The following TOX3 variants were observed in gnomAD, a reference collection of about 807,000 sequenced individuals.
TOX3 encodes CAG trinucleotide repeat-containing gene F9 protein.
A neutral mutation model predicts 64.3 loss-of-function variants in TOX3; 22 were observed. The ratio of observed to expected loss-of-function variants is 0.34; its 90% CI spans 0.24 to 0.49. TOX3 has a LOEUF of 0.49. Among genes scored for constraint, TOX3 ranks in the 20% least tolerant of loss-of-function variants. The pLI, the probability that TOX3 is intolerant of heterozygous loss-of-function variation, is 0.99. For synonymous variants in TOX3, 291 were observed against 273.6 expected (o/e 1.06, Z -0.63); for missense variants, 661 against 714.4 (o/e 0.93, Z 0.85).
intron 1 of TOX3, among the ~76,000 whole-genome samples, chr16:52,523,876 A>T (rs1034420411): frequency 1.3e-5 from 2 of 152,350 alleles, no homozygotes; most frequent in Middle Eastern, 3.4e-3. Context: ...TTTTATAGTG[A>T]AAATGTCAGT....
chr16:52,443,517 T>C (rs995915926), intron 6 of TOX3, among the ~76,000 whole-genome samples: 2 of 152,208 alleles, frequency 1.3e-5, no homozygotes, highest in African/African-American at 4.8e-5. Context: ...TAGGTTGTAC[T>C]TGAGACAGCA....
chr16:52,449,708 T>A (rs1463775148), intron 4 of TOX3, among the ~76,000 whole-genome samples: 2 of 152,250 alleles, frequency 1.3e-5, no homozygotes, highest in African/African-American at 4.8e-5. Flanking sequence ...ACAGTACTCT[T>A]TTTCATCATT....
At chr16:52,538,941 A>G (rs1963019564) in intron 1 of TOX3, among the ~76,000 whole-genome samples, 1 of 151,772 alleles carries the variant, frequency 6.6e-6, no homozygotes, top group Non-Finnish European at 1.5e-5. Flanking sequence ...AAAAGCCTCT[A>G]CTCCTTATAT....
intron 1 of TOX3, among the ~76,000 whole-genome samples, chr16:52,473,085 C>T (rs1961094502): frequency 6.6e-6 from 1 of 152,164 alleles, no homozygotes; most frequent in South Asian, 2.1e-4. Flanking sequence ...TTATTAAGGA[C>T]CATCGTGTCT....
At chr16:52,524,086 G>A (rs532456337) in intron 1 of TOX3, among the ~76,000 whole-genome samples, 11 of 152,276 alleles carry the variant, frequency 7.2e-5, no homozygotes, top group Non-Finnish European at 1.2e-4. Context: ...AGTGACTGTC[G>A]TCTTTTATGG....
In TOX3 at chr16:52,463,930, C is replaced by T. The variant is rs775292285; in HGVS notation, c.408+4G>A. The T allele has an allele frequency of 1.3e-6, 2 of 1,500,632 alleles. No individual in the cohort carries two copies. Among genetic ancestry groups the T allele is most frequent in the African/African-American group, 1.4e-5 (1 of 70,674 alleles). 93.0% of individuals were successfully genotyped at this position (1,500,632 alleles called of 1,614,324 possible). ...ATAATTTAAGTAATAAATGTGGTGC[C>T]TACCATATGCAACCCACTGCTATGA... On this transcript the variant is annotated splice_donor_region_variant and intron_variant, in intron 3 of 6. Transcript: ENST00000219746.
At chr16:52,493,299 A>T (rs1474288120) in intron 1 of TOX3, among the ~76,000 whole-genome samples, 1 of 152,162 alleles carries the variant, frequency 6.6e-6, no homozygotes, top group African/African-American at 2.4e-5. Flanking sequence ...CTACACACAC[A>T]TCGTATAACC....
At chr16:52,445,729 T>C in intron 5 of TOX3, 1 of 383,862 alleles carries the variant, frequency 2.6e-6, no homozygotes, top group Non-Finnish European at 4.7e-6. Context: ...TCATCAAAAG[T>C]TTATGCTTGC....
At chr16:52,454,269 G>C (rs1269334499) in intron 3 of TOX3, among the ~76,000 whole-genome samples, 2 of 152,024 alleles carry the variant, frequency 1.3e-5, no homozygotes, top group Non-Finnish European at 2.9e-5. Context: ...TTTGCAGTGT[G>C]ACAGTATGGA....
chr16:52,519,687 G>T, intron 1 of TOX3: 2 of 1,058,896 alleles, frequency 1.9e-6, no homozygotes, highest in Non-Finnish European at 2.5e-6. Flanking sequence ...GCTGGGCGCA[G>T]TCGCTCACAC....
intron 1 of TOX3, among the ~76,000 whole-genome samples, chr16:52,483,846 G>A (rs775921209): frequency 6.6e-6 from 1 of 152,102 alleles, no homozygotes; most frequent in South Asian, 2.1e-4. Flanking sequence ...GGGATTACAG[G>A]CATGAGAGGA....
chr16:52,508,559 A>C (rs1264436714), intron 1 of TOX3, among the ~76,000 whole-genome samples: 2 of 152,216 alleles, frequency 1.3e-5, no homozygotes, highest in African/African-American at 4.8e-5. Flanking sequence ...ATATAACATC[A>C]TTCCACTTAT....
chr16:52,465,643 T>C (rs1960843682), intron 2 of TOX3, among the ~76,000 whole-genome samples: 1 of 151,956 alleles, frequency 6.6e-6, no homozygotes, highest in Non-Finnish European at 1.5e-5. Context: ...ACTAATTAAG[T>C]GCTGAAAATC....
At chr16:52,461,266 T>A (rs1251365432) in intron 3 of TOX3, among the ~76,000 whole-genome samples, 5 of 152,160 alleles carry the variant, frequency 3.3e-5, no homozygotes, top group African/African-American at 1.2e-4. Context: ...CATCCTGTTT[T>A]AAAATACACG....
intron 1 of TOX3, among the ~76,000 whole-genome samples, chr16:52,499,552 C>A (rs566012746): frequency 1.3e-5 from 2 of 152,272 alleles, no homozygotes; most frequent in South Asian, 4.2e-4. Flanking sequence ...TTCTACGAAT[C>A]CACAAGAAAC....
At chr16:52,528,433 C>T (rs1962773882) in intron 1 of TOX3, among the ~76,000 whole-genome samples, 1 of 151,840 alleles carries the variant, frequency 6.6e-6, no homozygotes, top group Non-Finnish European at 1.5e-5. Context: ...ACCATCTGTC[C>T]AGCACCCAGC....
At chr16:52,442,555 T>G (rs1043311216) in intron 6 of TOX3, among the ~76,000 whole-genome samples, 24 of 152,212 alleles carry the variant, frequency 1.6e-4, no homozygotes, top group African/African-American at 5.5e-4. Context: ...CATCAATTGA[T>G]TGTCATCTCT....
intron 3 of TOX3, among the ~76,000 whole-genome samples, chr16:52,459,355 C>T (rs1596788908): frequency 6.6e-6 from 1 of 152,168 alleles, no homozygotes; most frequent in East Asian, 1.9e-4. Context: ...CAATATACAG[C>T]ACTTAGTAGG....
Position 52,464,065 on chromosome 16 carries a change from C to G in TOX3, c.277G>C (p.Asp93His). The change falls in exon 3 of 7, where the codon GAT (aspartate) becomes CAT (histidine). Residue 93 changes from aspartate (D) to histidine (H), a missense_variant. Coordinates refer to ENST00000219746, the MANE Select transcript of TOX3 (RefSeq NM_001080430.4). ...DVLLPFQALSDPLPSQGSEFT... is the reference protein window; with the variant it reads ...DVLLPFQALSHPLPSQGSEFT... ...TCACTTCCCTGGGAAGGCAATGGAT[C>G]GCTGAGGGCTTGAAAGGGTAGCAGT... is the stretch of plus-strand genomic sequence containing the variant. 3 of 1,603,186 alleles carry G rather than the reference C, an allele frequency of 1.9e-6. No individual in the cohort carries two copies. The highest frequency in any genetic ancestry group is 2.6e-6 in the Non-Finnish European group (3 of 1,175,198).
Sources: allele counts gnomAD v4.1 joint callset (sites outside exome capture counted in the v4.1 genomes callset), GRCh38; gene constraint gnomAD v4.1.1; transcripts MANE v1.5; gene names NCBI Gene and HGNC (gene_info 2026-07-23, HGNC 2026-07-21).